MYO16: variants seen among roughly 807,000 people sequenced by gnomAD.
MYO16 encodes unconventional myosin-XVI.
In MYO16, 94 loss-of-function variants were observed where a neutral mutation model predicts 205.3. The ratio of observed to expected loss-of-function variants is 0.46; its 90% CI spans 0.39 to 0.54. The LOEUF (loss-of-function observed/expected upper bound fraction) is 0.54, where lower values mean the gene tolerates loss of function less well. Ranked by LOEUF, MYO16 falls within the 20% of genes least tolerant of loss-of-function variation. MYO16 has a pLI of 0.00. For synonymous variants in MYO16, 988 were observed against 954.0 expected, an observed-to-expected ratio of 1.04 and a Z score of -0.66; for missense variants, 2,315 against 2,387.5, an observed-to-expected ratio of 0.97 and a Z score of 0.63.
upstream of MYO16, chr13:108,629,141 T>A (rs889264122): frequency 6.6e-6 from 1 of 152,208 alleles, no homozygotes; most frequent in Non-Finnish European, 1.5e-5. Flanking sequence ...AAGCTTTTTG[T>A]GGATAATTTA....
chr13:108,636,744 T>G (rs1181542256), intron 1 of MYO16, among the ~76,000 whole-genome samples: 1 of 152,166 alleles, frequency 6.6e-6, no homozygotes, highest in African/African-American at 2.4e-5. Context: ...AATTTAAAAA[T>G]GTATTATAAT....
At chr13:109,093,919 G>T (rs979923019) in intron 27 of MYO16, among the ~76,000 whole-genome samples, 16 of 152,038 alleles carry the variant, frequency 1.1e-4, no homozygotes, top group African/African-American at 3.4e-4. Flanking sequence ...TCACACCCAG[G>T]AATCAGGGTC....
At chr13:108,756,698 G>GA (rs1156507529) in intron 4 of MYO16, among the ~76,000 whole-genome samples, 36 of 146,506 alleles carry the variant, frequency 2.5e-4, no homozygotes, top group African/African-American at 7.4e-4. Context: ...GCAAAATATA[G>GA]AAAAAAACAA....
intron 6 of MYO16, 55 bp from the exon 7 acceptor site, chr13:108,806,624 T>C (rs756217262): frequency 3.2e-6 from 5 of 1,542,190 alleles, no homozygotes; most frequent in Non-Finnish European, 4.5e-6. Context: ...CTGAGTGAAC[T>C]GCATGAATAT....
At chr13:108,608,066 G>A (rs912748824) in intron 1 of MYO16, among the ~76,000 whole-genome samples, 9 of 152,146 alleles carry the variant, frequency 5.9e-5, no homozygotes, top group African/African-American at 1.9e-4. Context: ...CTTTCCTACA[G>A]CACTTTGTAA....
At chr13:109,117,790 A>G (rs945131993) in intron 28 of MYO16, among the ~76,000 whole-genome samples, 1 of 152,152 alleles carries the variant, frequency 6.6e-6, no homozygotes, top group African/African-American at 2.4e-5. Context: ...TGCCTTGCCA[A>G]TGACCAGCTC....
At chr13:108,858,149 A>T (rs750138191) in intron 11 of MYO16, among the ~76,000 whole-genome samples, 21 of 152,222 alleles carry the variant, frequency 1.4e-4, no homozygotes, top group Admixed American at 7.9e-4. Flanking sequence ...ACCAGTGTGT[A>T]GTGAAAATAA....
At chr13:108,861,510 G>A (rs1878449271) in intron 11 of MYO16, among the ~76,000 whole-genome samples, 1 of 152,036 alleles carries the variant, frequency 6.6e-6, no homozygotes, top group Non-Finnish European at 1.5e-5. Context: ...GCCCACATAA[G>A]TACTTCTATG....
intron 4 of MYO16, among the ~76,000 whole-genome samples, chr13:108,732,554 C>T (rs1429884994): frequency 6.6e-6 from 1 of 152,180 alleles, no homozygotes; most frequent in African/African-American, 2.4e-5. Flanking sequence ...AGCAAGGAGA[C>T]CAGCACAGCT....
chr13:108,496,663 C>G, the MYO16 span, among the ~76,000 whole-genome samples: 1 of 152,168 alleles, frequency 6.6e-6, no homozygotes, highest in East Asian at 1.9e-4. Flanking sequence ...GAAATGGAGA[C>G]GATTTCCGTC....
At chr13:108,613,339 C>A (rs912855839) in intron 1 of MYO16, among the ~76,000 whole-genome samples, 3 of 152,094 alleles carry the variant, frequency 2.0e-5, no homozygotes, top group Non-Finnish European at 4.4e-5. Context: ...TCTGGATATG[C>A]TGAAGACATT....
intron 21 of MYO16, among the ~76,000 whole-genome samples, chr13:108,996,044 A>G (rs905295078): frequency 1.3e-5 from 2 of 152,206 alleles, no homozygotes; most frequent in African/African-American, 2.4e-5. Context: ...GGGATCTTGA[A>G]CTAGAAATAC....
In MYO16 at chr13:108,844,226, A is replaced by G. The variant is rs553761150; in HGVS notation, c.1098-117A>G. On this transcript the variant is annotated intron_variant, in intron 9 of 34. Coordinates refer to ENST00000457511, the MANE Select transcript of MYO16 (RefSeq NM_001198950.3). ...TAATTTTTTTCCTGCAGTTTATAAG[A>G]AATATTTCTTATCTGAATAAAACCA... is the stretch of plus-strand genomic sequence containing the variant. 141 of 740,092 alleles carry G rather than the reference A, an allele frequency of 1.9e-4. No individual in the cohort carries two copies. In the African/African-American group the frequency reaches 2.4e-3, roughly 12 times the overall value. The allele number at this position is 740,092 out of a possible 1,614,324, so 45.8% of individuals were successfully genotyped here.
At position 108,619,860 on chromosome 13, in the gene MYO16, C is replaced by T. The variant is rs775242617; in HGVS notation, c.-39+23621C>T. ...AGTTCATCAGGCAAGGGACGATGCG[C>T]GGTGAGGAAGGTAGAAAAAATGTGA... On this transcript the variant is annotated intron_variant, in intron 1 of 24. Transcript: ENST00000251041. 6.6e-5 allele frequency among the ~76,000 whole-genome samples: 10 copies of T among 152,146 alleles called. No individual in the cohort carries two copies. In the East Asian group the frequency reaches 7.7e-4, roughly 12 times the overall value.
intron 27 of MYO16, among the ~76,000 whole-genome samples, chr13:109,063,299 T>C (rs1187490053): frequency 6.6e-6 from 1 of 152,194 alleles, no homozygotes; most frequent in African/African-American, 2.4e-5. Context: ...TTTTTCTGTT[T>C]ATTACTTGTG....
intron 4 of MYO16, among the ~76,000 whole-genome samples, chr13:108,742,076 T>C (rs1884928026): frequency 6.6e-6 from 1 of 152,156 alleles, no homozygotes; most frequent in Non-Finnish European, 1.5e-5. Flanking sequence ...GACTGCAACC[T>C]CCGTCCCCAG....
At chr13:108,538,979 C>G in the MYO16 span, among the ~76,000 whole-genome samples, 1 of 152,058 alleles carries the variant, frequency 6.6e-6, no homozygotes, top group Admixed American at 6.6e-5. Flanking sequence ...ACCACTCAGT[C>G]TAATCTATTG....
chr13:108,523,343 A>G, the MYO16 span, among the ~76,000 whole-genome samples: 1 of 152,298 alleles, frequency 6.6e-6, no homozygotes, highest in South Asian at 2.1e-4. Context: ...GCCCTCCTCC[A>G]TCGTATCTGT....
chr13:108,969,298 G>A (rs1043839450), intron 20 of MYO16, among the ~76,000 whole-genome samples: 1 of 152,186 alleles, frequency 6.6e-6, no homozygotes, highest in Non-Finnish European at 1.5e-5. Context: ...TGTTAAGTTT[G>A]TTTTGACTTT....
Sources: allele counts gnomAD v4.1 joint callset (sites outside exome capture counted in the v4.1 genomes callset), GRCh38; gene constraint gnomAD v4.1.1; transcripts MANE v1.5; gene names NCBI Gene and HGNC (gene_info 2026-07-23, HGNC 2026-07-21).